LIN28B: variants seen among roughly 807,000 people sequenced by gnomAD.
LIN28B encodes protein lin-28 homolog B.
LIN28B carries 5 observed loss-of-function variants against 21.9 expected under a neutral mutation model. That is an observed-to-expected ratio of 0.23 (90% CI 0.12 to 0.48). The LOEUF (loss-of-function observed/expected upper bound fraction) is 0.48. Ranked by LOEUF, LIN28B falls within the 20% of genes least tolerant of loss-of-function variation. LIN28B has a pLI of 0.98. For missense variants in LIN28B, 245 were observed against 310.5 expected (o/e 0.79, Z 1.58); for synonymous variants, 109 against 111.3 (o/e 0.98, Z 0.13).
chr6:105,034,637 G>T (rs889925804), intron 3 of LIN28B, among the ~76,000 whole-genome samples: 1 of 151,954 alleles, frequency 6.6e-6, no homozygotes, highest in African/African-American at 2.4e-5. Flanking sequence ...ACATCATGGT[G>T]TATTTATCAT....
At chr6:104,998,316 T>G (rs1770653383) in intron 2 of LIN28B, among the ~76,000 whole-genome samples, 1 of 152,204 alleles carries the variant, frequency 6.6e-6, no homozygotes, top group African/African-American at 2.4e-5. Context: ...AAGAGGGATG[T>G]AAATCTGTTA....
intron 2 of LIN28B, among the ~76,000 whole-genome samples, chr6:104,967,538 G>A (rs1769886375): frequency 8.1e-6 from 1 of 123,694 alleles, no homozygotes; most frequent in African/African-American, 3.2e-5. Context: ...CCGAGATCAT[G>A]CCATTGCACT....
rs564806583 is a variant in LIN28B, at chr6:105,082,211, T to G, written c.*3428T>G. ...AGAAAGATTTTTACCTGCTTATAACTTGGAAGTTTAGAGTGCAATGTAAGA... is the reference window on the plus strand; with the variant it reads ...AGAAAGATTTTTACCTGCTTATAACGTGGAAGTTTAGAGTGCAATGTAAGA... On this transcript the variant is annotated 3_prime_UTR_variant, in exon 4 of 4. Coordinates refer to ENST00000345080, the MANE Select transcript of LIN28B (RefSeq NM_001004317.4). 6.5e-6 allele frequency: 1 copy of G among 152,780 alleles called. No individual in the cohort carries two copies. Among genetic ancestry groups the G allele is most frequent in the African/African-American group, 2.4e-5 (1 of 41,590 alleles). 9.5% of individuals were successfully genotyped at this position (152,780 alleles called of 1,614,324 possible).
upstream of LIN28B, among the ~76,000 whole-genome samples, chr6:104,953,581 A>G (rs915092855): frequency 2.6e-5 from 4 of 152,188 alleles, no homozygotes; most frequent in Admixed American, 6.5e-5. Context: ...CTTTGGATCT[A>G]CCCCACTTAG....
chr6:105,055,234 G>A (rs890620863), intron 3 of LIN28B, among the ~76,000 whole-genome samples: 7 of 152,004 alleles, frequency 4.6e-5, no homozygotes, highest in African/African-American at 9.7e-5. Flanking sequence ...TCATTTCTTC[G>A]TGTGTTTTTT....
intron 2 of LIN28B, among the ~76,000 whole-genome samples, chr6:105,020,739 A>C (rs1462624450): frequency 2.1e-5 from 3 of 141,432 alleles, no homozygotes; most frequent in African/African-American, 5.3e-5. Flanking sequence ...ATTGTCTATC[A>C]TTCCACTCTT....
chr6:105,023,083 G>A (rs1771169679), intron 2 of LIN28B, among the ~76,000 whole-genome samples: 1 of 147,030 alleles, frequency 6.8e-6, no homozygotes, highest in Non-Finnish European at 1.5e-5. Context: ...CAAATACAGG[G>A]AGCTAATTCC....
intron 3 of LIN28B, among the ~76,000 whole-genome samples, chr6:105,049,812 C>CT (rs1771856326): frequency 6.6e-6 from 1 of 152,254 alleles, no homozygotes; most frequent in East Asian, 1.9e-4. Context: ...TTATCAGAGA[C>CT]AGGATTGCAA....
intron 2 of LIN28B, among the ~76,000 whole-genome samples, chr6:104,938,536 G>A (rs1390241133): frequency 6.6e-6 from 1 of 151,812 alleles, no homozygotes; most frequent in Non-Finnish European, 1.5e-5. Context: ...CTACTTAGGA[G>A]ACTGAGGCAC....
intron 3 of LIN28B, among the ~76,000 whole-genome samples, chr6:105,044,638 T>A (rs1459732035): frequency 6.6e-6 from 1 of 152,204 alleles, no homozygotes; most frequent in Non-Finnish European, 1.5e-5. Flanking sequence ...TATGGCTTGA[T>A]CTAATTTTTT....
chr6:104,956,511 C>T (rs926100899), upstream of LIN28B, among the ~76,000 whole-genome samples: 1 of 152,262 alleles, frequency 6.6e-6, no homozygotes, highest in East Asian at 1.9e-4. Context: ...GAAAAAATTT[C>T]GGGCATAATC....
intron 2 of LIN28B, among the ~76,000 whole-genome samples, chr6:104,963,570 C>T (rs1199481738): frequency 6.6e-6 from 1 of 152,104 alleles, no homozygotes; most frequent in Non-Finnish European, 1.5e-5. Context: ...AAATATTTTT[C>T]TCCTGCCTTT....
At chr6:104,948,886 T>C (rs917525663) in intron 2 of LIN28B, among the ~76,000 whole-genome samples, 5 of 152,212 alleles carry the variant, frequency 3.3e-5, no homozygotes, top group African/African-American at 7.2e-5. Flanking sequence ...CTGAATGTTA[T>C]TGTCAGTCAA....
chr6:105,043,237 G>A (rs1171023384), intron 3 of LIN28B, among the ~76,000 whole-genome samples: 1 of 150,398 alleles, frequency 6.6e-6, no homozygotes, highest in East Asian at 2.0e-4. Context: ...GACCAGCCTG[G>A]CCAGCATGGT....
chr6:104,954,685 A>G (rs1778262035), upstream of LIN28B, among the ~76,000 whole-genome samples: 1 of 152,186 alleles, frequency 6.6e-6, no homozygotes, highest in African/African-American at 2.4e-5. Context: ...GAATGAGTCG[A>G]TAACCTCTGA....
chr6:105,076,689 C>T (rs533699318), intron 3 of LIN28B, among the ~76,000 whole-genome samples: 2 of 152,024 alleles, frequency 1.3e-5, no homozygotes, highest in East Asian at 2.0e-4. Context: ...CTTACTGCAA[C>T]CTCCGCCTCC....
At chr6:104,938,995 A>G (rs1205269722) in intron 2 of LIN28B, among the ~76,000 whole-genome samples, 1 of 152,200 alleles carries the variant, frequency 6.6e-6, no homozygotes, top group Non-Finnish European at 1.5e-5. Flanking sequence ...TAGGTATTGC[A>G]TAAATATACA....
upstream of LIN28B, among the ~76,000 whole-genome samples, chr6:104,952,162 T>C (rs772005123): frequency 6.6e-5 from 10 of 152,208 alleles, no homozygotes; most frequent in Non-Finnish European, 1.3e-4. Context: ...CTTTTATTCA[T>C]TGCTTGAGGG....
chr6:104,937,088 G>A (rs1305357702), exon 2 of LIN28B: 2 of 151,972 alleles, frequency 1.3e-5, no homozygotes, highest in Non-Finnish European at 2.9e-5. Context: ...GAAGGTGCTG[G>A]GATTACAAGC....
Sources: allele counts gnomAD v4.1 joint callset (sites outside exome capture counted in the v4.1 genomes callset), GRCh38; gene constraint gnomAD v4.1.1; transcripts MANE v1.5; gene names NCBI Gene and HGNC (gene_info 2026-07-23, HGNC 2026-07-21).